GPC4: variants seen among roughly 807,000 people sequenced by gnomAD.
GPC4 encodes glypican 4, also known as glypican-4.
A neutral mutation model predicts 35.0 loss-of-function variants in GPC4; 10 were observed. That is an observed-to-expected ratio of 0.29 (90% CI 0.18 to 0.48). The LOEUF (loss-of-function observed/expected upper bound fraction) is 0.48. Among genes scored for constraint, GPC4 ranks in the 20% least tolerant of loss-of-function variants. The probability of loss-of-function intolerance (pLI) is 0.99; values close to 1 mark genes in which losing one functional copy is unlikely to be tolerated. For synonymous variants in GPC4, 167 were observed against 170.2 expected (o/e 0.98, Z 0.15); for missense variants, 322 against 451.3 (o/e 0.71, Z 2.60).
At chrX:133,401,685 T>A (rs1222538086) in intron 1 of GPC4, among the ~76,000 whole-genome samples, 1 of 111,735 alleles carries the variant, frequency 8.9e-6, no homozygotes, top group Non-Finnish European at 1.9e-5. Flanking sequence ...CAGAAGAGCC[T>A]CCCAGAATGT....
chrX:133,366,789 C>T (rs998647883), intron 1 of GPC4, among the ~76,000 whole-genome samples: 1 of 111,577 alleles, frequency 9.0e-6, no homozygotes, highest in Non-Finnish European at 1.9e-5. Context: ...TTTGCAAACC[C>T]CCATCCCTTA....
intron 1 of GPC4, among the ~76,000 whole-genome samples, chrX:133,365,838 C>T (rs1250262676): frequency 8.9e-6 from 1 of 112,543 alleles, no homozygotes; most frequent in Non-Finnish European, 1.9e-5. Context: ...TTCTGCATTA[C>T]ACATCTTTCC....
chrX:133,325,797 T>TC (rs2068390004), intron 2 of GPC4, among the ~76,000 whole-genome samples: 2 of 111,990 alleles, frequency 1.8e-5, no homozygotes, highest in Non-Finnish European at 3.8e-5. Flanking sequence ...GGTGGGCAAC[T>TC]CAGAGACTGG....
intron 1 of GPC4, among the ~76,000 whole-genome samples, chrX:133,377,877 C>CTTTTTTTTTTCTTTTTTTTTTTTTTTT (rs2068641616): frequency 2.3e-5 from 2 of 86,192 alleles, no homozygotes; most frequent in African/African-American, 8.9e-5. Flanking sequence ...TTTTCTTTTT[C>CTTTTTTTTTTCTTTTTTTTTTTTTTTT]TTTTTTTTTT....
At chrX:133,379,405 G>C (rs2068650409) in intron 1 of GPC4, among the ~76,000 whole-genome samples, 2 of 112,086 alleles carry the variant, frequency 1.8e-5, no homozygotes, top group East Asian at 2.8e-4. Context: ...GTTGCCAGGG[G>C]CTGGGGGGAG....
At chrX:133,312,147 G>A (rs954768237) in intron 3 of GPC4, among the ~76,000 whole-genome samples, 2 of 111,195 alleles carry the variant, frequency 1.8e-5, no homozygotes, top group Non-Finnish European at 3.8e-5. Flanking sequence ...GAAAGGGGCT[G>A]GACTTAAGTG....
intron 1 of GPC4, among the ~76,000 whole-genome samples, chrX:133,391,897 C>CTAGA (rs1399206133): frequency 9.0e-6 from 1 of 111,668 alleles, no homozygotes; most frequent in Admixed American, 9.6e-5. Context: ...AAACGACAAT[C>CTAGA]TAGGGAAGCT....
At position 133,307,515 on chromosome X, in the gene GPC4, C is replaced by A. The variant is rs138909492; in HGVS notation, c.878-1361G>T. On this transcript the variant is annotated intron_variant, in intron 4 of 8. Coordinates refer to ENST00000370828, the MANE Select transcript of GPC4 (RefSeq NM_001448.3). Reference sequence around the variant, plus strand: ...GTTTCAGAATGCATTGTGGTAAGCGCCAATCAAGTGATGCTTCTAACTCTA... The same window carrying A: ...GTTTCAGAATGCATTGTGGTAAGCGACAATCAAGTGATGCTTCTAACTCTA... 5.2e-3 allele frequency among the ~76,000 whole-genome samples: 580 copies of A among 111,752 alleles called. 6 individuals carry two copies. Among genetic ancestry groups the A allele is most frequent in the African/African-American group, 0.018 (539 of 30,724 alleles).
rs1430962438 is a variant in GPC4 at position 133,301,300 on chromosome X, A to C, written c.*1567T>G. 8.8e-6 allele frequency: 1 copy of C among 113,161 alleles called. No homozygotes were observed. Among genetic ancestry groups the C allele is most frequent in the South Asian group, 3.7e-4 (1 of 2,739 alleles). The allele number at this position is 113,161 out of a possible 1,213,427, so 9.3% of individuals were successfully genotyped here. A position where few individuals can be genotyped will look rare whatever the true frequency, so the allele number is the denominator to read the frequency against. ...TTTAGGTTCGGTAAAATTAGTTGGG[A>C]TCTTAATGGCTGTCTAAAGCAGGAA... On this transcript the variant is annotated 3_prime_UTR_variant, in exon 9 of 9. Coordinates refer to ENST00000370828, the MANE Select transcript of GPC4 (RefSeq NM_001448.3).
chrX:133,409,640 T>C (rs186958627), intron 1 of GPC4, among the ~76,000 whole-genome samples: 3 of 111,829 alleles, frequency 2.7e-5, no homozygotes, highest in Admixed American at 1.9e-4. Context: ...AAGGCAGTTA[T>C]GTACAAAGAC....
chrX:133,393,496 A>G (rs1478415007), intron 1 of GPC4, among the ~76,000 whole-genome samples: 1 of 94,630 alleles, frequency 1.1e-5, no homozygotes, highest in African/African-American at 4.3e-5. Flanking sequence ...TTAGAGAGAG[A>G]AAAAAAAAAA....
chrX:133,320,134 A>G (rs1438222480), intron 3 of GPC4, among the ~76,000 whole-genome samples: 1 of 111,870 alleles, frequency 8.9e-6, no homozygotes, highest in Non-Finnish European at 1.9e-5. Flanking sequence ...CACAATACTT[A>G]AAGTAGCCAC....
At chrX:133,321,690 C>T (rs2068365437) in intron 3 of GPC4, among the ~76,000 whole-genome samples, 1 of 111,671 alleles carries the variant, frequency 9.0e-6, no homozygotes, top group Non-Finnish European at 1.9e-5. Flanking sequence ...TGATCTGATT[C>T]ACTGTGCACT....
At chrX:133,355,105 A>G (rs1050727874) in intron 1 of GPC4, among the ~76,000 whole-genome samples, 1 of 112,188 alleles carries the variant, frequency 8.9e-6, no homozygotes, top group Non-Finnish European at 1.9e-5. Flanking sequence ...CAGGCTATCC[A>G]GAAAGCATGC....
rs1556029445 is a variant in GPC4, at chrX:133,347,250, T to TTTTG, written c.161-7910_161-7909insCAAA. ...AATCTAAAACTCTTCTATTAGAAGT[T>TTTTG]TTTTTTTTTTTTTTTTTTTTTTTTT... is the stretch of plus-strand genomic sequence containing the variant. On this transcript the variant is annotated intron_variant, in intron 1 of 8. Coordinates refer to ENST00000370828, the MANE Select transcript of GPC4 (RefSeq NM_001448.3). 5.2e-3 allele frequency among the ~76,000 whole-genome samples: 396 copies of TTTTG among 75,698 alleles called. 6 individuals are homozygous for TTTTG. Among genetic ancestry groups the TTTTG allele is most frequent in the African/African-American group, 0.022 (380 of 17,193 alleles). The allele number at this position is 75,698 out of a possible 115,157, so 65.7% of individuals were successfully genotyped here.
chrX:133,320,074 T>C (rs888851100), intron 3 of GPC4, among the ~76,000 whole-genome samples: 4 of 111,876 alleles, frequency 3.6e-5, no homozygotes, highest in African/African-American at 9.8e-5. Flanking sequence ...ATTTAGAAGC[T>C]CAGTTGTAAA....
intron 1 of GPC4, among the ~76,000 whole-genome samples, chrX:133,378,901 T>C (rs2068648378): frequency 9.0e-6 from 1 of 111,675 alleles, no homozygotes; most frequent in Non-Finnish European, 1.9e-5. Context: ...TGGCAGGCAA[T>C]TGCTAGGGCC....
intron 1 of GPC4, among the ~76,000 whole-genome samples, chrX:133,377,564 A>C: frequency 8.9e-6 from 1 of 112,608 alleles, no homozygotes; most frequent in Non-Finnish European, 1.9e-5. Flanking sequence ...AAAATATTTT[A>C]TGATGCTTAT....
At chrX:133,391,014 T>C (rs751382554) in intron 1 of GPC4, among the ~76,000 whole-genome samples, 71 of 112,149 alleles carry the variant, frequency 6.3e-4, no homozygotes, top group Non-Finnish European at 1.2e-3. Flanking sequence ...CTAGTGTAAA[T>C]ATTGAAATTT....
Sources: allele counts gnomAD v4.1 joint callset (sites outside exome capture counted in the v4.1 genomes callset), GRCh38; gene constraint gnomAD v4.1.1; transcripts MANE v1.5; gene names NCBI Gene and HGNC (gene_info 2026-07-23, HGNC 2026-07-21).